The following SNRK variants were observed in gnomAD, a reference collection of about 807,000 sequenced individuals.
SNRK encodes the protein SNF-related serine/threonine-protein kinase.
SNRK carries 3 observed loss-of-function variants against 48.2 expected under a neutral mutation model. The observed-to-expected ratio is 0.06, with a 90% CI of 0.03 to 0.16. SNRK has a LOEUF of 0.16. Ranked by LOEUF, SNRK falls within the 10% of genes least tolerant of loss-of-function variation. SNRK has a pLI of 1.00. For missense variants in SNRK, 627 were observed against 976.0 expected, an observed-to-expected ratio of 0.64 and a Z score of 4.76; for synonymous variants, 376 against 366.1, an observed-to-expected ratio of 1.03 and a Z score of -0.31.
At chr3:43,299,487 T>C (rs551178842) in intron 1 of SNRK, among the ~76,000 whole-genome samples, 140 of 152,294 alleles carry the variant, frequency 9.2e-4, no homozygotes, top group Admixed American at 2.0e-3. Context: ...TGTTCATTAT[T>C]ATTTCTTCAT....
At chr3:43,340,947 A>G (rs1002690985) in intron 5 of SNRK, among the ~76,000 whole-genome samples, 1 of 152,152 alleles carries the variant, frequency 6.6e-6, no homozygotes, top group Non-Finnish European at 1.5e-5. Context: ...TTATTGGGCC[A>G]CAGCCATGCC....
chr3:43,313,579 A>C (rs2090994168), intron 3 of SNRK, among the ~76,000 whole-genome samples: 1 of 152,200 alleles, frequency 6.6e-6, no homozygotes, highest in African/African-American at 2.4e-5. Context: ...GATAGCATGA[A>C]GGAGCCTTGT....
intron 3 of SNRK, among the ~76,000 whole-genome samples, chr3:43,312,019 CAAGTTAAAAT>C (rs993940451): frequency 6.6e-6 from 1 of 152,046 alleles, no homozygotes; most frequent in Non-Finnish European, 1.5e-5. Flanking sequence ...TTCTTATTTT[CAAGTTAAAAT>C]GAGTTAAATT....
intron 6 of SNRK, among the ~76,000 whole-genome samples, chr3:43,346,760 A>T (rs2125650264): frequency 6.6e-6 from 1 of 152,268 alleles, no homozygotes; most frequent in East Asian, 1.9e-4. Flanking sequence ...CCAGATATTT[A>T]TATTTAACTT....
chr3:43,300,494 A>G (rs1420601133), intron 2 of SNRK, among the ~76,000 whole-genome samples: 5 of 152,194 alleles, frequency 3.3e-5, no homozygotes, highest in Non-Finnish European at 5.9e-5. Context: ...ATGTGTTTTG[A>G]AAGCTAAAGT....
At chr3:43,325,239 C>T (rs1266554490) in intron 3 of SNRK, among the ~76,000 whole-genome samples, 1 of 152,228 alleles carries the variant, frequency 6.6e-6, no homozygotes, top group Non-Finnish European at 1.5e-5. Flanking sequence ...TGTCTTGGCT[C>T]ACTGCAAGCT....
Position 43,325,351 on chromosome 3 carries a change from G to C in SNRK, c.590-6818G>C, listed in dbSNP as rs182045696. On this transcript the variant is annotated intron_variant, in intron 3 of 6. Transcript: ENST00000296088. ...CGGCTAATTTTTTGTATTTTTAGTA[G>C]AGACAGGATTTCACTGTGTTAGCCA... Among the ~76,000 whole-genome samples the C allele has an allele frequency of 2.9e-3, 444 of 152,088 alleles. 1 individual carries two copies. Among genetic ancestry groups the C allele is most frequent in the African/African-American group, 0.01 (428 of 41,498 alleles).
chr3:43,346,402 G>C (rs1208307545), intron 6 of SNRK, among the ~76,000 whole-genome samples: 1 of 152,156 alleles, frequency 6.6e-6, no homozygotes, highest in Non-Finnish European at 1.5e-5. Flanking sequence ...ATAGTTGACA[G>C]TTCAGAGACG....
rs1575563919 is a variant in SNRK at position 43,347,146 on chromosome 3, C to T, written c.1080-193C>T. 5 of 525,528 alleles carry T rather than the reference C, an allele frequency of 9.5e-6. No individual in the cohort carries two copies. The highest frequency in any genetic ancestry group is 1.6e-5 in the Non-Finnish European group (5 of 308,952). The allele number at this position is 525,528 out of a possible 1,614,324, so 32.6% of individuals were successfully genotyped here. ...CTTGGCCAATAAGCCACAAACTGAA[C>T]CATGTTTCAAAACCACATTTGCCCT... On this transcript the variant is annotated intron_variant, in intron 6 of 6. Transcript: ENST00000296088. The surrounding 1 kb of genome is among the most constrained non-coding windows in gnomAD (Gnocchi z 5.4).
At chr3:43,317,928 A>T (rs918617729) in intron 3 of SNRK, among the ~76,000 whole-genome samples, 5 of 152,220 alleles carry the variant, frequency 3.3e-5, no homozygotes, top group African/African-American at 1.2e-4. Context: ...GAATGAATAC[A>T]TGTAAAGTAC....
At chr3:43,327,710 A>T (rs898249317) in intron 3 of SNRK, among the ~76,000 whole-genome samples, 6 of 152,116 alleles carry the variant, frequency 3.9e-5, no homozygotes, top group Non-Finnish European at 8.8e-5. Context: ...AATGATTAGC[A>T]TGTTCTTTTA....
intron 1 of SNRK, among the ~76,000 whole-genome samples, chr3:43,296,109 G>T (rs1474296212): frequency 6.6e-6 from 1 of 152,048 alleles, no homozygotes; most frequent in Non-Finnish European, 1.5e-5. Context: ...TATTTTGCTT[G>T]ACTTAAAGGT....
intron 3 of SNRK, among the ~76,000 whole-genome samples, chr3:43,316,318 C>G (rs780583761): frequency 2.0e-5 from 3 of 151,900 alleles, no homozygotes; most frequent in Non-Finnish European, 2.9e-5. Context: ...TCTCAGTGGT[C>G]ATCATCCATC....
In SNRK at chr3:43,303,446, T is replaced by C. The variant is rs762044231; in HGVS notation, c.243T>C (p.Val81=). ...CTAACATCGTCCGCCTTTATGAAGT[T>C]ATTGACACCCAGACCAAACTATATC... The part of the protein sequence containing the change: ...QHPNIVRLYE[V]IDTQTKLYLI... The change falls in exon 3 of 7, where the codon GTT becomes GTC. Residue 81 remains valine (V), a synonymous_variant. Transcript: ENST00000296088. The surrounding 1 kb of genome is among the most constrained non-coding windows in gnomAD (Gnocchi z 6.2). 1 of 1,614,160 alleles carries C rather than the reference T, an allele frequency of 6.2e-7. No individual in the cohort carries two copies. Among genetic ancestry groups the C allele is most frequent in the South Asian group, 1.1e-5 (1 of 91,080 alleles).
At chr3:43,287,837 T>C (rs1324145079) in intron 1 of SNRK, among the ~76,000 whole-genome samples, 3 of 152,188 alleles carry the variant, frequency 2.0e-5, no homozygotes, top group Non-Finnish European at 2.9e-5. Flanking sequence ...ATGTAATCAG[T>C]TTGTTAATTT....
At chr3:43,341,628 G>A (rs2091238582) in intron 5 of SNRK, among the ~76,000 whole-genome samples, 1 of 152,236 alleles carries the variant, frequency 6.6e-6, no homozygotes, top group Non-Finnish European at 1.5e-5. Context: ...AGTTGGGTAT[G>A]TTCGAAAGAG....
chr3:43,346,282 A>G (rs1037118669), intron 6 of SNRK, among the ~76,000 whole-genome samples: 9 of 152,308 alleles, frequency 5.9e-5, no homozygotes, highest in East Asian at 3.9e-4. Context: ...ACAAAAGAAA[A>G]CTTGCACATA....
In SNRK at chr3:43,340,506, C is replaced by T. The variant is rs1258929055; in HGVS notation, c.944+7C>T. 1 of 1,612,778 alleles carries T rather than the reference C, an allele frequency of 6.2e-7. No homozygotes were observed. On this transcript the variant is annotated splice_region_variant and intron_variant, in intron 5 of 6. Transcript: ENST00000296088. ...ATCGAGACGCCATTGTAGAGTACGT[C>T]AATGCCCGTCAGTACAGAGGGCCAC...
In SNRK at chr3:43,309,612, G is replaced by GTTT. The variant is rs35398476; in HGVS notation, c.589+5833_589+5835dup. Among the ~76,000 whole-genome samples the GTTT allele has an allele frequency of 1.5e-4, 21 of 143,232 alleles. 1 individual carries two copies. In the South Asian group the frequency reaches 2.7e-3, roughly 18 times the overall value. 94.0% of individuals were successfully genotyped at this position (143,232 alleles called of 152,430 possible). ...TGAAGGCTCATTTTTTAGAAATAAG[G>GTTT]TTTTTTTTTTTTTTTATTCTTTGAG... On this transcript the variant is annotated intron_variant, in intron 3 of 6. Transcript: ENST00000296088.
Sources: allele counts gnomAD v4.1 joint callset (sites outside exome capture counted in the v4.1 genomes callset), GRCh38; gene constraint gnomAD v4.1.1; non-coding constraint Gnocchi (gnomAD v3.1); transcripts MANE v1.5; gene names NCBI Gene and HGNC (gene_info 2026-07-23, HGNC 2026-07-21).